The following OTUD7B variants were observed in gnomAD, a reference collection of about 807,000 sequenced individuals.
OTUD7B encodes OTU deubiquitinase 7B.
A neutral mutation model predicts 82.2 loss-of-function variants in OTUD7B; 34 were observed. That is an observed-to-expected ratio of 0.41 (90% CI 0.31 to 0.55). The LOEUF (loss-of-function observed/expected upper bound fraction) is 0.55. OTUD7B is among the 20% of genes least tolerant of loss of function. The probability of loss-of-function intolerance (pLI) is 0.20; values close to 1 mark genes in which losing one functional copy is unlikely to be tolerated. For missense variants in OTUD7B, 944 were observed against 1,062.1 expected (o/e 0.89, Z 1.55); for synonymous variants, 398 against 402.7 (o/e 0.99, Z 0.14).
At chr1:150,030,261 T>G in the OTUD7B span, among the ~76,000 whole-genome samples, 1 of 152,304 alleles carries the variant, frequency 6.6e-6, no homozygotes, top group East Asian at 1.9e-4. Context: ...GAGGCCTTGG[T>G]GTGGATGGGA....
chr1:150,032,289 G>T, the OTUD7B span, among the ~76,000 whole-genome samples: 1 of 149,818 alleles, frequency 6.7e-6, no homozygotes, highest in East Asian at 2.0e-4. Flanking sequence ...TCCAGCCTGG[G>T]CAATAAGAGC....
the OTUD7B span, among the ~76,000 whole-genome samples, chr1:150,053,654 C>A: frequency 6.6e-6 from 1 of 152,068 alleles, no homozygotes; most frequent in East Asian, 1.9e-4. Flanking sequence ...CCTCAGCCTC[C>A]CAAAGTGCTT....
chr1:149,964,298 G>T lies in OTUD7B; in HGVS notation c.656C>A (p.Ala219Glu). Residue 219 changes from alanine (A) to glutamate (E), a missense_variant, in exon 6 of 12, where the codon GCA becomes GAA. Coordinates refer to ENST00000581312, the MANE Select transcript of OTUD7B (RefSeq NM_020205.4). ...CTTCTCAACTCCCTTCTCCATCAGT[G>T]CATACAAAGCTTTCCGCAGCATCAA... ...RDLMLRKALY[A>E]LMEKGVEKEA... 1 of 1,613,948 alleles carries T rather than the reference G, an allele frequency of 6.2e-7. No homozygotes were observed. Among genetic ancestry groups the T allele is most frequent in the African/African-American group, 1.3e-5 (1 of 75,006 alleles).
the OTUD7B span, among the ~76,000 whole-genome samples, chr1:150,059,575 G>C: frequency 6.6e-6 from 1 of 151,630 alleles, no homozygotes; most frequent in Admixed American, 6.6e-5. Flanking sequence ...TTCCATGTTG[G>C]TCAGGCTCGG....
chr1:150,052,275 T>C, the OTUD7B span, among the ~76,000 whole-genome samples: 2 of 152,172 alleles, frequency 1.3e-5, no homozygotes, highest in African/African-American at 4.8e-5. Context: ...GAAAACCCCA[T>C]AGTCTTGGCT....
chr1:150,030,931 CA>C, the OTUD7B span, among the ~76,000 whole-genome samples: 1 of 152,078 alleles, frequency 6.6e-6, no homozygotes, highest in African/African-American at 2.4e-5. Context: ...CCCGCCACCA[CA>C]CTGGCTAATT....
intron 4 of OTUD7B, among the ~76,000 whole-genome samples, chr1:149,966,649 T>C (rs1267689024): frequency 1.3e-5 from 2 of 152,174 alleles, no homozygotes; most frequent in African/African-American, 2.4e-5. Flanking sequence ...CTGTGGAGCA[T>C]AGTTTTTGAA....
At chr1:150,042,343 T>G in the OTUD7B span, among the ~76,000 whole-genome samples, 3 of 151,614 alleles carry the variant, frequency 2.0e-5, no homozygotes, top group Admixed American at 1.3e-4. Context: ...CAGCTAATTT[T>G]TGTATTTTTA....
At position 149,942,727 on chromosome 1, in the gene OTUD7B, G is replaced by A. The variant is rs1647342664; in HGVS notation, c.*1130C>T. On this transcript the variant is annotated 3_prime_UTR_variant, in exon 12 of 12. Transcript: ENST00000581312. The stretch of plus-strand genomic sequence containing the variant: ...ATGGCTTAACAAAAGAAGCCGGGAT[G>A]TTAAGTTCATTCTCCAAAAGTAGAG... 1 of 152,544 alleles carries A rather than the reference G, an allele frequency of 6.6e-6. No individual in the cohort carries two copies. The allele number at this position is 152,544 out of a possible 1,614,324, so 9.4% of individuals were successfully genotyped here. A position where few individuals can be genotyped will look rare whatever the true frequency, so the allele number is the denominator to read the frequency against.
At chr1:149,992,955 A>G (rs1553782485) in intron 1 of OTUD7B, among the ~76,000 whole-genome samples, 1 of 152,030 alleles carries the variant, frequency 6.6e-6, no homozygotes, top group Non-Finnish European at 1.5e-5. Flanking sequence ...GTTCAAGACC[A>G]GTCTGGCCAA....
At chr1:149,990,724 G>A (rs782515873) in intron 1 of OTUD7B, among the ~76,000 whole-genome samples, 22 of 152,108 alleles carry the variant, frequency 1.4e-4, no homozygotes, top group Admixed American at 5.9e-4. Flanking sequence ...GGCCAGGTGC[G>A]GTGGCGCATG....
At chr1:150,014,042 ATGTGTGTG>A (rs199910103), upstream of OTUD7B, among the ~76,000 whole-genome samples, 5 of 115,532 alleles carry the variant, frequency 4.3e-5, no homozygotes, top group Non-Finnish European at 7.1e-5. Flanking sequence ...ATACGTATAT[ATGTGTGTG>A]TATATATATG....
intron 1 of OTUD7B, among the ~76,000 whole-genome samples, chr1:149,998,109 T>C (rs1420347033): frequency 6.6e-6 from 1 of 152,118 alleles, no homozygotes; most frequent in Non-Finnish European, 1.5e-5. Flanking sequence ...GTGTGATCAT[T>C]CTTACCTAAC....
chr1:150,017,510 T>G, the OTUD7B span, among the ~76,000 whole-genome samples: 1 of 152,186 alleles, frequency 6.6e-6, no homozygotes, highest in Non-Finnish European at 1.5e-5. Flanking sequence ...CTAATTGGAA[T>G]GCAGGTCAGG....
chr1:149,946,026 C>T (rs137970950), intron 11 of OTUD7B, among the ~76,000 whole-genome samples: 3,338 of 148,532 alleles, frequency 0.022, 125 homozygotes, highest in African/African-American at 0.079. Context: ...CACCATTGCA[C>T]TCCAGCCTGG....
rs782588149 is a variant in OTUD7B, at chr1:149,950,199, C to T, written c.868G>A (p.Val290Ile). The T allele has an allele frequency of 4.0e-5, 65 of 1,613,974 alleles. No individual in the cohort carries two copies. Among genetic ancestry groups the T allele is most frequent in the Non-Finnish European group, 5.4e-5 (64 of 1,180,010 alleles). The stretch of plus-strand genomic sequence containing the variant: ...TGAAACTCTTCAAGGCTCTCATATA[C>T]AGGCTCCTCAGAACTCTCCACCCTG... ...CGGVESSEEP[V>I]YESLEEFHVF... Residue 290 changes from valine to isoleucine, a missense_variant, in exon 8 of 12, where the codon GTA becomes ATA. By Grantham distance (29) the Val-to-Ile change is conservative. Transcript: ENST00000581312.
the OTUD7B span, among the ~76,000 whole-genome samples, chr1:150,027,101 C>T: frequency 0.22 from 34,014 of 151,872 alleles, 5,913 homozygotes; most frequent in African/African-American, 0.49. Flanking sequence ...TTGTATTGTA[C>T]TGTGTTGTGT....
At chr1:149,991,623 A>G (rs1282892731) in intron 1 of OTUD7B, among the ~76,000 whole-genome samples, 1 of 152,204 alleles carries the variant, frequency 6.6e-6, no homozygotes, top group Non-Finnish European at 1.5e-5. Flanking sequence ...CAAGTTACAG[A>G]TGACAACACA....
the OTUD7B span, among the ~76,000 whole-genome samples, chr1:150,059,305 C>CACT: frequency 5.1e-5 from 2 of 39,068 alleles, no homozygotes; most frequent in African/African-American, 2.2e-4. Context: ...CACCCCCCCC[C>CACT]CCCCCGCCTC....
Sources: allele counts gnomAD v4.1 joint callset (sites outside exome capture counted in the v4.1 genomes callset), GRCh38; gene constraint gnomAD v4.1.1; transcripts MANE v1.5; gene names NCBI Gene and HGNC (gene_info 2026-07-23, HGNC 2026-07-21).